The following CDH10 variants were observed in gnomAD, a reference collection of about 807,000 sequenced individuals.
CDH10 encodes the protein cadherin 10.
In CDH10, 30 loss-of-function variants were observed where a neutral mutation model predicts 73.1. That is an observed-to-expected ratio of 0.41 (90% CI 0.31 to 0.56). The LOEUF is 0.56. Ranked by LOEUF, CDH10 falls within the 20% of genes least tolerant of loss-of-function variation. The probability of loss-of-function intolerance (pLI) is 0.27; values close to 1 mark genes in which losing one functional copy is unlikely to be tolerated. For missense variants in CDH10, 815 were observed against 973.7 expected, an observed-to-expected ratio of 0.84 and a Z score of 2.17; for synonymous variants, 345 against 348.2, an observed-to-expected ratio of 0.99 and a Z score of 0.10.
At chr5:24,603,584 A>G (rs1451744131) in intron 1 of CDH10, among the ~76,000 whole-genome samples, 1 of 152,188 alleles carries the variant, frequency 6.6e-6, no homozygotes, top group African/African-American at 2.4e-5. Context: ...GACCATTTCA[A>G]TAGATGAAGA....
intron 2 of CDH10, among the ~76,000 whole-genome samples, chr5:24,580,388 T>C (rs917629771): frequency 6.6e-6 from 1 of 152,194 alleles, no homozygotes; most frequent in African/African-American, 2.4e-5. Flanking sequence ...AGTATCAACA[T>C]GTTTTCCATT....
At chr5:24,561,921 TA>T (rs1211787878) in intron 2 of CDH10, among the ~76,000 whole-genome samples, 2 of 152,102 alleles carry the variant, frequency 1.3e-5, no homozygotes, top group Non-Finnish European at 2.9e-5. Flanking sequence ...CACAGAAACT[TA>T]AAAAATAAAA....
chr5:24,614,038 ATAAC>A (rs1747048053), intron 1 of CDH10, among the ~76,000 whole-genome samples: 2 of 152,174 alleles, frequency 1.3e-5, no homozygotes, highest in African/African-American at 2.4e-5. Flanking sequence ...CCGGAACAGT[ATAAC>A]TAAGTCAAAG....
chr5:24,509,609 T>C lies in CDH10; in HGVS notation c.1213A>G (p.Thr405Ala), dbSNP rs1239203977. ...GAATCTGGGTCCCTTGCCATTACAG[T>C]ACCAATGATTGTGCCCACTTCAATA... The part of the protein sequence containing the change: ...EDIEVGTIIG[T>A]VMARDPDSIS... Residue 405 changes from threonine to alanine, a missense_variant, in exon 7 of 12, where the codon ACT (threonine) becomes GCT (alanine). Thr to Ala is a moderately conservative substitution (Grantham distance 58). Coordinates refer to ENST00000264463, the MANE Select transcript of CDH10 (RefSeq NM_006727.5). The C allele has an allele frequency of 1.9e-6, 3 of 1,613,848 alleles. No individual in the cohort carries two copies. Among genetic ancestry groups the C allele is most frequent in the African/African-American group, 1.3e-5 (1 of 74,898 alleles).
At chr5:24,518,703 CT>C (rs1743199796) in intron 5 of CDH10, among the ~76,000 whole-genome samples, 1 of 151,936 alleles carries the variant, frequency 6.6e-6, no homozygotes, top group Non-Finnish European at 1.5e-5. Context: ...GTTTTTTTCC[CT>C]GTTCTCTGCA....
At chr5:24,517,700 C>A (rs1361433533) in intron 5 of CDH10, among the ~76,000 whole-genome samples, 1 of 151,920 alleles carries the variant, frequency 6.6e-6, no homozygotes, top group Non-Finnish European at 1.5e-5. Context: ...AAACTCAAGT[C>A]CAAATTGAAG....
At chr5:24,523,736 T>G (rs1743424722) in intron 5 of CDH10, among the ~76,000 whole-genome samples, 1 of 152,178 alleles carries the variant, frequency 6.6e-6, no homozygotes, top group Non-Finnish European at 1.5e-5. Flanking sequence ...ATTTTTCGAT[T>G]GGTGCAGAGA....
At chr5:24,571,455 T>C (rs928645580) in intron 2 of CDH10, among the ~76,000 whole-genome samples, 1 of 152,010 alleles carries the variant, frequency 6.6e-6, no homozygotes, top group Non-Finnish European at 1.5e-5. Flanking sequence ...GAAAATAAAT[T>C]AATTTGAGTC....
intron 2 of CDH10, among the ~76,000 whole-genome samples, chr5:24,584,462 T>G (rs866076237): frequency 7.6e-4 from 47 of 61,612 alleles, no homozygotes; most frequent in African/African-American, 1.1e-3. Context: ...TTTTTTTTTT[T>G]TTTGTGTGTG....
intron 2 of CDH10, among the ~76,000 whole-genome samples, chr5:24,575,346 CAAAAACAACAA>C (rs1223952658): frequency 6.8e-5 from 2 of 29,256 alleles, no homozygotes; most frequent in African/African-American, 2.5e-4. Flanking sequence ...TGGGCAACAA[CAAAAACAACAA>C]AAAAAAAAAA....
At chr5:24,622,175 G>A (rs1334539118) in intron 1 of CDH10, among the ~76,000 whole-genome samples, 4 of 152,132 alleles carry the variant, frequency 2.6e-5, no homozygotes, top group South Asian at 4.1e-4. Context: ...CAGTTAGAAC[G>A]AAGACTTCAG....
intron 8 of CDH10, 116 bp downstream of exon 8, chr5:24,504,996 A>G: frequency 1.3e-6 from 1 of 745,832 alleles, no homozygotes; most frequent in Non-Finnish European, 2.1e-6. Flanking sequence ...TCATCTGTCC[A>G]ATGAGAATGA....
chr5:24,634,345 T>G (rs1747802115), intron 1 of CDH10, among the ~76,000 whole-genome samples: 1 of 151,828 alleles, frequency 6.6e-6, no homozygotes, highest in Admixed American at 6.6e-5. Flanking sequence ...AGAGAAAGTA[T>G]GTCAAAGTTT....
chr5:24,569,168 A>T (rs1745274805), intron 2 of CDH10, among the ~76,000 whole-genome samples: 1 of 152,146 alleles, frequency 6.6e-6, no homozygotes, highest in African/African-American at 2.4e-5. Context: ...TCTTGAAAAC[A>T]TATAATTCCA....
chr5:24,540,776 T>C (rs1421819213), intron 2 of CDH10, among the ~76,000 whole-genome samples: 2 of 151,912 alleles, frequency 1.3e-5, no homozygotes, highest in Non-Finnish European at 2.9e-5. Context: ...AAATGATCAC[T>C]AGCACTAGAA....
At chr5:24,620,759 G>C (rs568440962) in intron 1 of CDH10, among the ~76,000 whole-genome samples, 1 of 152,000 alleles carries the variant, frequency 6.6e-6, no homozygotes, top group South Asian at 2.1e-4. Flanking sequence ...CATTGCCCCT[G>C]TTTTGTTAAG....
intron 6 of CDH10, among the ~76,000 whole-genome samples, chr5:24,510,164 G>C (rs555425388): frequency 1.3e-5 from 2 of 152,296 alleles, no homozygotes; most frequent in South Asian, 4.1e-4. Context: ...ACGTGCAAAG[G>C]TGTTAGCTAC....
intron 1 of CDH10, among the ~76,000 whole-genome samples, chr5:24,597,358 G>C (rs1453128765): frequency 6.6e-6 from 1 of 152,098 alleles, no homozygotes. Flanking sequence ...CAAAGCTGTA[G>C]ACCTCCCTCA....
chr5:24,526,272 C>T (rs1743528252), intron 5 of CDH10, among the ~76,000 whole-genome samples: 1 of 151,938 alleles, frequency 6.6e-6, no homozygotes, highest in African/African-American at 2.4e-5. Context: ...TTCCACTGGA[C>T]TAACTGGAAT....
Sources: allele counts gnomAD v4.1 joint callset (sites outside exome capture counted in the v4.1 genomes callset), GRCh38; gene constraint gnomAD v4.1.1; transcripts MANE v1.5; gene names NCBI Gene and HGNC (gene_info 2026-07-23, HGNC 2026-07-21).